BABAM2: variants seen among roughly 807,000 people sequenced by gnomAD.
BABAM2 encodes BRISC and BRCA1-A complex member 2.
Under a neutral mutation model 54.7 loss-of-function variants are expected in BABAM2, and 31 were observed. That is an observed-to-expected ratio of 0.57 (90% CI 0.43 to 0.77). BABAM2 has a LOEUF of 0.77. Among genes scored for constraint, BABAM2 ranks in the 30% least tolerant of loss-of-function variants. The probability of loss-of-function intolerance (pLI) is 0.00; values close to 1 mark genes in which losing one functional copy is unlikely to be tolerated. For synonymous variants in BABAM2, 167 were observed against 162.9 expected, an observed-to-expected ratio of 1.03 and a Z score of -0.19; for missense variants, 364 against 455.8, an observed-to-expected ratio of 0.80 and a Z score of 1.83.
intron 6 of BABAM2, among the ~76,000 whole-genome samples, chr2:28,081,236 A>C (rs1219943946): frequency 6.6e-6 from 1 of 152,184 alleles, no homozygotes; most frequent in Non-Finnish European, 1.5e-5. Context: ...AACTCTCCCC[A>C]GGGCAAAGCG....
chr2:28,035,072 A>G (rs543173333), intron 5 of BABAM2, among the ~76,000 whole-genome samples: 3 of 152,212 alleles, frequency 2.0e-5, no homozygotes, highest in African/African-American at 7.2e-5. Context: ...AATTAGTACA[A>G]AAAAACTCAT....
At chr2:28,050,724 A>G (rs1677932500) in intron 6 of BABAM2, among the ~76,000 whole-genome samples, 1 of 152,224 alleles carries the variant, frequency 6.6e-6, no homozygotes, top group African/African-American at 2.4e-5. Context: ...TTTAAAAAGA[A>G]TAAAATTGTT....
intron 5 of BABAM2, among the ~76,000 whole-genome samples, chr2:28,045,009 A>AAT (rs967593979): frequency 6.6e-6 from 1 of 151,934 alleles, no homozygotes; most frequent in Non-Finnish European, 1.5e-5. Flanking sequence ...AAAAAAAAAA[A>AAT]GTGATTCCCT....
chr2:28,216,800 CTT>C (rs1679957895), intron 7 of BABAM2, among the ~76,000 whole-genome samples: 1 of 152,142 alleles, frequency 6.6e-6, no homozygotes, highest in Non-Finnish European at 1.5e-5. Context: ...TTACCCTCTC[CTT>C]CATAATCTGG....
At chr2:28,196,048 C>A (rs1677496751) in intron 7 of BABAM2, among the ~76,000 whole-genome samples, 2 of 152,178 alleles carry the variant, frequency 1.3e-5, no homozygotes, top group African/African-American at 4.8e-5. Flanking sequence ...GAATTTTTGG[C>A]TGGGCGTGGT....
Position 28,337,162 on chromosome 2 carries a change from G to A in BABAM2, c.1089-1288G>A, listed in dbSNP as rs945509787. ...GTAAGGTGTCACTGTGATTGTGTGG[G>A]TGTCGGTGGGGCAGGGCTAGAAGGC... On this transcript the variant is annotated intron_variant, in intron 11 of 11. Transcript: ENST00000379624. Among the ~76,000 whole-genome samples, 52 of 136,592 alleles carry A rather than the reference G, an allele frequency of 3.8e-4. 2 individuals are homozygous for A. Among genetic ancestry groups the A allele is most frequent in the East Asian group, 1.3e-3 (6 of 4,492 alleles). 89.6% of individuals were successfully genotyped at this position (136,592 alleles called of 152,430 possible).
At chr2:28,096,717 T>G (rs1313614074) in intron 6 of BABAM2, among the ~76,000 whole-genome samples, 2 of 152,076 alleles carry the variant, frequency 1.3e-5, no homozygotes, top group East Asian at 3.9e-4. Flanking sequence ...TCCTCTCTTC[T>G]TACCCTCCCC....
At chr2:27,960,923 C>G (rs920148585) in intron 3 of BABAM2, among the ~76,000 whole-genome samples, 1 of 152,198 alleles carries the variant, frequency 6.6e-6, no homozygotes, top group South Asian at 2.1e-4. Context: ...TAAGGATAAG[C>G]AATGGCTTTG....
At chr2:28,026,865 T>TATATATTTATATATATAA (rs1558667271) in intron 5 of BABAM2, among the ~76,000 whole-genome samples, 1 of 49,594 alleles carries the variant, frequency 2.0e-5, no homozygotes, top group East Asian at 3.9e-4. Flanking sequence ...TATATATAGA[T>TATATATTTATATATATAA]ATATATATTT....
chr2:28,330,313 G>A (rs1690838646), intron 11 of BABAM2, among the ~76,000 whole-genome samples: 1 of 152,166 alleles, frequency 6.6e-6, no homozygotes, highest in Admixed American at 6.5e-5. Context: ...ATTCAACATA[G>A]TATTGGAAGT....
chr2:27,939,918 A>G (rs1212264474), intron 3 of BABAM2, among the ~76,000 whole-genome samples: 1 of 152,236 alleles, frequency 6.6e-6, no homozygotes, highest in African/African-American at 2.4e-5. Context: ...AAAAAAGATC[A>G]GAAGATTATA....
At chr2:27,939,335 AG>A (rs1668714468) in intron 3 of BABAM2, among the ~76,000 whole-genome samples, 1 of 152,216 alleles carries the variant, frequency 6.6e-6, no homozygotes, top group South Asian at 2.1e-4. Flanking sequence ...TCATAACTTA[AG>A]CTCAATAAAG....
intron 6 of BABAM2, among the ~76,000 whole-genome samples, chr2:28,103,299 T>TA (rs1667239120): frequency 1.4e-5 from 2 of 141,910 alleles, no homozygotes; most frequent in African/African-American, 2.7e-5. Flanking sequence ...ATTTACTTAG[T>TA]ATTTTTGTTT....
At chr2:28,320,056 C>T (rs1274312965) in intron 11 of BABAM2, among the ~76,000 whole-genome samples, 3 of 152,114 alleles carry the variant, frequency 2.0e-5, no homozygotes, top group Non-Finnish European at 2.9e-5. Flanking sequence ...TGGTCAGATC[C>T]GATTTCCACC....
intron 7 of BABAM2, among the ~76,000 whole-genome samples, chr2:28,229,589 CTTT>C (rs5830065): frequency 2.3e-5 from 3 of 133,148 alleles, no homozygotes; most frequent in Non-Finnish European, 1.7e-5. Flanking sequence ...TTCTTTTTTT[CTTT>C]TTTTTTTTTT....
intron 6 of BABAM2, among the ~76,000 whole-genome samples, chr2:28,058,391 A>T (rs930052657): frequency 3.9e-5 from 6 of 152,136 alleles, no homozygotes; most frequent in African/African-American, 7.2e-5. Flanking sequence ...AATAGAAATC[A>T]GCCAGAAACA....
At chr2:28,333,962 GT>G (rs1193441209) in intron 11 of BABAM2, among the ~76,000 whole-genome samples, 1 of 152,178 alleles carries the variant, frequency 6.6e-6, no homozygotes, top group Admixed American at 6.5e-5. Flanking sequence ...TGAAAACAGC[GT>G]TTTAAAAAAT....
intron 5 of BABAM2, among the ~76,000 whole-genome samples, chr2:28,029,211 T>A (rs1002050716): frequency 6.6e-6 from 1 of 152,198 alleles, no homozygotes; most frequent in South Asian, 2.1e-4. Flanking sequence ...GTCTTGAATT[T>A]ATATTTCAGT....
At chr2:27,895,570 T>C (rs1665227476) in intron 2 of BABAM2, among the ~76,000 whole-genome samples, 1 of 152,236 alleles carries the variant, frequency 6.6e-6, no homozygotes, top group African/African-American at 2.4e-5. Flanking sequence ...TAAGTTAACT[T>C]TGATAACTTG....
Sources: allele counts gnomAD v4.1 joint callset (sites outside exome capture counted in the v4.1 genomes callset), GRCh38; gene constraint gnomAD v4.1.1; transcripts MANE v1.5; gene names NCBI Gene and HGNC (gene_info 2026-07-23, HGNC 2026-07-21).